AHCYL1: variants seen among roughly 807,000 people sequenced by gnomAD.
AHCYL1 encodes the protein adenosylhomocysteinase like 1.
AHCYL1 carries 20 observed loss-of-function variants against 79.3 expected under a neutral mutation model. The ratio of observed to expected loss-of-function variants is 0.25; its 90% CI spans 0.18 to 0.37. AHCYL1 has a LOEUF of 0.37. AHCYL1 is among the 10% of genes least tolerant of loss of function. AHCYL1 has a pLI of 1.00. For missense variants in AHCYL1, 330 were observed against 673.6 expected (o/e 0.49, Z 5.65); for synonymous variants, 223 against 242.2 (o/e 0.92, Z 0.74).
chr1:109,988,692 A>C (rs1429146105), intron 1 of AHCYL1, among the ~76,000 whole-genome samples: 1 of 152,270 alleles, frequency 6.6e-6, no homozygotes, highest in Non-Finnish European at 1.5e-5. Context: ...AGAGTGATCC[A>C]TTAAACATTT....
rs537533292 is a variant in AHCYL1, at chr1:110,008,297, G to A, written c.121-737G>A. Among the ~76,000 whole-genome samples the A allele has an allele frequency of 3.3e-4, 50 of 152,196 alleles. No homozygotes were observed. The South Asian group carries it at 6.4e-3, about 20-fold the overall frequency. ...GTTGGGATTACAGGCGTGAGCCACTGTACCTGGCCCATTTAAGGAAGTTTT... is the reference window on the plus strand; with the variant it reads ...GTTGGGATTACAGGCGTGAGCCACTATACCTGGCCCATTTAAGGAAGTTTT... On this transcript the variant is annotated intron_variant, in intron 1 of 16. Coordinates refer to ENST00000369799, the MANE Select transcript of AHCYL1 (RefSeq NM_006621.7).
chr1:110,017,543 T>C lies in AHCYL1; in HGVS notation c.1012T>C (p.Tyr338His). The change falls in exon 10 of 17, where the codon TAC (tyrosine) becomes CAC (histidine). Residue 338 changes from tyrosine (Y) to histidine (H), a missense_variant. This residue lies in a region of AHCYL1 where 119 missense variants were observed against 293.3 expected (regional missense o/e 0.41). Coordinates refer to ENST00000369799, the MANE Select transcript of AHCYL1 (RefSeq NM_006621.7). ...AALKALGAIV[Y>H]ITEIDPICAL... ...TCTCAAAGCTCTTGGAGCAATTGTC[T>C]ACATTACCGAAATCGACCCCATCTG... 6.2e-7 allele frequency: 1 copy of C among 1,614,134 alleles called. No individual in the cohort carries two copies.
intron 5 of AHCYL1, among the ~76,000 whole-genome samples, chr1:110,013,908 C>A (rs989821846): frequency 2.7e-5 from 4 of 149,426 alleles, no homozygotes; most frequent in African/African-American, 9.9e-5. Context: ...TCAAGTGATT[C>A]TCATGCCTCA....
At chr1:110,011,643 A>T (rs1651042545) in intron 3 of AHCYL1, among the ~76,000 whole-genome samples, 1 of 152,190 alleles carries the variant, frequency 6.6e-6, no homozygotes, top group South Asian at 2.1e-4. Context: ...CAGAATTGAC[A>T]AGTCCTAGAT....
In AHCYL1 at chr1:110,000,327, A is replaced by G. The variant is rs550430950; in HGVS notation, c.121-8707A>G. Among the ~76,000 whole-genome samples the G allele has an allele frequency of 2.0e-5, 3 of 152,344 alleles. No homozygotes were observed. In the South Asian group the frequency reaches 6.2e-4, roughly 32 times the overall value. ...TAAAGTAGTCTAGATTAGATTGCCC[A>G]TACATTCTCCTCCTTACTCCATCCC... is the stretch of plus-strand genomic sequence containing the variant. On this transcript the variant is annotated intron_variant, in intron 1 of 16. Coordinates refer to ENST00000369799, the MANE Select transcript of AHCYL1 (RefSeq NM_006621.7).
In AHCYL1 at chr1:110,018,449, C is replaced by G. The variant is rs1219843958; in HGVS notation, c.1200C>G (p.Ser400=). The G allele has an allele frequency of 6.2e-7, 1 of 1,614,124 alleles. No homozygotes were observed. ...NSCIVCNMGH[S]NTEIDVTSLR... ...GTATCGTATGCAATATGGGCCACTC[C>G]AACACAGAAATCGATGTGGTAAGGC... Residue 400 remains serine (S), a synonymous_variant, in exon 12 of 17, where the codon TCC becomes TCG. Transcript: ENST00000369799.
intron 5 of AHCYL1, among the ~76,000 whole-genome samples, chr1:110,013,885 C>T (rs1651235718): frequency 1.3e-5 from 2 of 150,712 alleles, no homozygotes; most frequent in Non-Finnish European, 3.0e-5. Context: ...ACTGCAACCC[C>T]TGCCTCCTGG....
chr1:110,020,800 C>G lies in AHCYL1; in HGVS notation c.1535C>G (p.Ala512Gly). ...CTTACAGAGCTGACAGATGACCAAG[C>G]AAAATATCTGGGACTCAACAAAAAT... is the stretch of plus-strand genomic sequence containing the variant. ...AHLTELTDDQ[A>G]KYLGLNKNGP... is the part of the protein sequence containing the mutation. Residue 512 changes from alanine (A) to glycine (G), a missense_variant, in exon 16 of 17, where the codon GCA (alanine) becomes GGA (glycine). Around this residue, in one of 6 missense-constraint regions of AHCYL1, gnomAD observed 119 missense variants for 293.3 expected, o/e 0.41. Coordinates refer to ENST00000369799, the MANE Select transcript of AHCYL1 (RefSeq NM_006621.7). 1.2e-6 allele frequency: 2 copies of G among 1,613,778 alleles called. No homozygotes were observed. Among genetic ancestry groups the G allele is most frequent in the African/African-American group, 1.3e-5 (1 of 74,992 alleles).
At chr1:110,004,555 G>T in intron 1 of AHCYL1, 1 of 915,460 alleles carries the variant, frequency 1.1e-6, no homozygotes, top group Non-Finnish European at 1.3e-6. Context: ...TGTATTTCTT[G>T]TACCAAGGAG....
intron 16 of AHCYL1, 128 bp downstream of exon 16, chr1:110,020,979 C>A: frequency 7.3e-7 from 1 of 1,378,752 alleles, no homozygotes; most frequent in Non-Finnish European, 9.6e-7. Flanking sequence ...TGTTCCAGGC[C>A]AGGCACGGTG....
rs764948381 is a variant in AHCYL1, at chr1:110,021,701, C to A, written c.*21C>A. ...ACTAATGGACCATACTACCAAGGAC[C>A]AGTCCACCTGAACCACACACTCTAA... On this transcript the variant is annotated 3_prime_UTR_variant, in exon 17 of 17. Transcript: ENST00000369799. The A allele has an allele frequency of 6.2e-7, 1 of 1,609,452 alleles. No individual in the cohort carries two copies. The highest frequency in any genetic ancestry group is 1.1e-5 in the South Asian group (1 of 90,650).
chr1:110,009,798 G>A (rs1650906381), intron 2 of AHCYL1, among the ~76,000 whole-genome samples: 1 of 152,134 alleles, frequency 6.6e-6, no homozygotes, highest in Non-Finnish European at 1.5e-5. Flanking sequence ...TAGAAAATTA[G>A]CATGGAAAAG....
chr1:110,017,712 T>C, intron 10 of AHCYL1, 129 bp downstream of exon 10: 1 of 1,069,842 alleles, frequency 9.3e-7, no homozygotes, highest in Admixed American at 2.3e-5. Flanking sequence ...ACTGCTCTGT[T>C]CTTCTCACTC....
In AHCYL1 at chr1:110,022,188, G is replaced by A. The variant is rs1804956; in HGVS notation, c.*508G>A. The A allele has an allele frequency of 5.9e-4, 91 of 154,926 alleles. No individual in the cohort carries two copies. The highest frequency in any genetic ancestry group is 1.6e-3 in the African/African-American group (66 of 41,536). The allele number at this position is 154,926 out of a possible 1,614,324, so 9.6% of individuals were successfully genotyped here. On this transcript the variant is annotated 3_prime_UTR_variant, in exon 17 of 17. Transcript: ENST00000369799. The stretch of plus-strand genomic sequence containing the variant: ...AGAAGTTCCAAGCCCTGTTTCCTGC[G>A]TAAAGGTGGTATGTCCAGTTCAGAG...
chr1:110,020,405 G>A (rs1482297497), intron 15 of AHCYL1, among the ~76,000 whole-genome samples: 2 of 152,096 alleles, frequency 1.3e-5, no homozygotes, highest in Non-Finnish European at 2.9e-5. Context: ...AGGAAGGTAG[G>A]AGTAGCATGT....
intron 1 of AHCYL1, among the ~76,000 whole-genome samples, chr1:110,003,389 T>C (rs1202189491): frequency 1.3e-5 from 2 of 152,206 alleles, no homozygotes; most frequent in Non-Finnish European, 2.9e-5. Context: ...GAAAGATTTA[T>C]TCTAGGTGGA....
intron 1 of AHCYL1, among the ~76,000 whole-genome samples, chr1:109,985,847 A>G (rs1649437905): frequency 6.6e-6 from 1 of 152,194 alleles, no homozygotes; most frequent in Non-Finnish European, 1.5e-5. Context: ...CCCTGGAGAA[A>G]GGAGCTTGGG....
chr1:110,007,792 A>G (rs1292150075), intron 1 of AHCYL1, among the ~76,000 whole-genome samples: 4 of 152,188 alleles, frequency 2.6e-5, no homozygotes, highest in African/African-American at 9.7e-5. Flanking sequence ...TACTCAAACC[A>G]TCCTGCTTAT....
chr1:110,011,432 A>G (rs948971413), intron 3 of AHCYL1, 75 bp downstream of exon 3: 2 of 1,574,484 alleles, frequency 1.3e-6, no homozygotes, highest in African/African-American at 2.7e-5. Flanking sequence ...ACAACTTAAG[A>G]CTTGAAAGCT....
Sources: gnomAD v4.1 joint callset for allele counts (sites outside exome capture counted in the v4.1 genomes callset) on GRCh38, gnomAD v4.1.1 for gene constraint, gnomAD v4.1.1 regional missense constraint, MANE v1.5 for transcripts, NCBI Gene and HGNC (gene_info 2026-07-23, HGNC 2026-07-21) for gene names.